MTX2: variants seen among roughly 807,000 people sequenced by gnomAD.
MTX2 encodes the protein metaxin-2.
Under a neutral mutation model 42.3 loss-of-function variants are expected in MTX2, and 35 were observed. That is an observed-to-expected ratio of 0.83 (90% CI 0.63 to 1.10). The LOEUF is 1.10. Among genes scored for constraint, MTX2 ranks in the 50% least tolerant of loss-of-function variants. The pLI, the probability that MTX2 is intolerant of heterozygous loss-of-function variation, is 0.00. For missense variants in MTX2, 307 were observed against 304.1 expected (o/e 1.01, Z -0.07); for synonymous variants, 119 against 100.9 (o/e 1.18, Z -1.08).
At chr2:176,274,782 T>C (rs1238223845) in intron 1 of MTX2, among the ~76,000 whole-genome samples, 2 of 152,150 alleles carry the variant, frequency 1.3e-5, no homozygotes, top group East Asian at 3.9e-4. Context: ...CCACTTAGGA[T>C]ACTCTCCCTT....
intron 1 of MTX2, among the ~76,000 whole-genome samples, chr2:176,278,041 GTTTTTTTTTTT>G (rs59379339): frequency 4.7e-5 from 4 of 84,836 alleles, no homozygotes; most frequent in South Asian, 5.1e-4. Context: ...GTTGAAACTG[GTTTTTTTTTTT>G]TTTTTTTTTT....
At chr2:176,312,653 C>T (rs1314413840) in intron 3 of MTX2, among the ~76,000 whole-genome samples, 1 of 151,912 alleles carries the variant, frequency 6.6e-6, no homozygotes, top group Admixed American at 6.6e-5. Flanking sequence ...CACCTGAGGT[C>T]AGGAGTTTGA....
At chr2:176,320,730 T>A (rs1036472020) in intron 3 of MTX2, among the ~76,000 whole-genome samples, 1 of 150,858 alleles carries the variant, frequency 6.6e-6, no homozygotes, top group Non-Finnish European at 1.5e-5. Context: ...GGTCTTGTTG[T>A]ATTGCCCAGG....
chr2:176,326,786 G>T, intron 4 of MTX2, 39 bp from the exon 5 acceptor site: 1 of 1,216,228 alleles, frequency 8.2e-7, no homozygotes, highest in Non-Finnish European at 1.2e-6. Flanking sequence ...TTAACATACT[G>T]GAAGTATTTT....
intron 1 of MTX2, among the ~76,000 whole-genome samples, chr2:176,276,337 A>G (rs1692944766): frequency 6.6e-6 from 1 of 152,178 alleles, no homozygotes. Flanking sequence ...GTTAATTAGA[A>G]TTGCCATAGC....
intron 1 of MTX2, among the ~76,000 whole-genome samples, chr2:176,282,994 AC>A (rs1222058586): frequency 1.3e-5 from 2 of 152,114 alleles, no homozygotes; most frequent in African/African-American, 4.8e-5. Context: ...GAGCAATCAC[AC>A]CTGGCCAATC....
In MTX2 at chr2:176,269,714, G is replaced by C. The variant is rs553743691; in HGVS notation, c.40+45G>C. 3.2e-6 allele frequency: 5 copies of C among 1,566,056 alleles called. No individual in the cohort carries two copies. In the Admixed American group the frequency reaches 5.5e-5, roughly 17 times the overall value. On this transcript the variant is annotated intron_variant, in intron 1 of 9. Transcript: ENST00000249442. Reference sequence around the variant, plus strand: ...ACCCAGAAGGTGGCGGCGCGGTCTCGGGGAGCCGCGTGGGGTACAGGGCTG... The same window carrying C: ...ACCCAGAAGGTGGCGGCGCGGTCTCCGGGAGCCGCGTGGGGTACAGGGCTG...
intron 1 of MTX2, among the ~76,000 whole-genome samples, chr2:176,281,261 C>T (rs1693071787): frequency 6.6e-6 from 1 of 152,106 alleles, no homozygotes; most frequent in Non-Finnish European, 1.5e-5. Flanking sequence ...GTCTCTCACT[C>T]ATGATGTCTG....
At chr2:176,269,747 C>T (rs1378740313) in intron 1 of MTX2, 78 bp downstream of exon 1, 26 of 1,468,748 alleles carry the variant, frequency 1.8e-5, no homozygotes, top group East Asian at 2.6e-5. Flanking sequence ...CTGGAGCTTT[C>T]CTCCAGCCTT....
chr2:176,307,695 C>T (rs887812615), intron 3 of MTX2, among the ~76,000 whole-genome samples: 6 of 151,834 alleles, frequency 4.0e-5, no homozygotes, highest in African/African-American at 1.2e-4. Context: ...CATGATTTGG[C>T]TCTGTTTGTC....
At position 176,269,618 on chromosome 2, in the gene MTX2, C is replaced by G. The variant is rs757445802; in HGVS notation, c.-12C>G. ...GGGGGCAGGCACCCGGGCGCCGGGCCTCCCAGCCGACATGTCTCTAGTGGC... is the reference window on the plus strand; with the variant it reads ...GGGGGCAGGCACCCGGGCGCCGGGCGTCCCAGCCGACATGTCTCTAGTGGC... On this transcript the variant is annotated 5_prime_UTR_variant, in exon 1 of 10. Coordinates refer to ENST00000249442, the MANE Select transcript of MTX2 (RefSeq NM_006554.5). The G allele has an allele frequency of 7.4e-5, 117 of 1,584,354 alleles. No individual in the cohort carries two copies. The highest frequency in any genetic ancestry group is 1.1e-4 in the Admixed American group (6 of 56,846).
rs551578257 is a variant in MTX2 at position 176,282,122 on chromosome 2, A to G, written c.40+12453A>G. On this transcript the variant is annotated intron_variant, in intron 1 of 9. Transcript: ENST00000249442. ...TCAATGATATTATTTTTAGAGTTAC[A>G]GTAGTTTTTTTTTTTTTTTTTTTTT... Among the ~76,000 whole-genome samples the G allele has an allele frequency of 4.3e-4, 25 of 58,364 alleles. No homozygotes were observed. In the East Asian group the frequency reaches 4.5e-3, roughly 10 times the overall value. The allele number at this position is 58,364 out of a possible 152,430, so 38.3% of individuals were successfully genotyped here. A position where few individuals can be genotyped will look rare whatever the true frequency, so the allele number is the denominator to read the frequency against.
Position 176,298,409 on chromosome 2 carries a change from C to T in MTX2, c.135+514C>T, listed in dbSNP as rs1683944686. On this transcript the variant is annotated intron_variant, in intron 3 of 9. Transcript: ENST00000249442. The stretch of plus-strand genomic sequence containing the variant: ...ATTGATTACATGAGTGTTTATTATC[C>T]CCAAACCATTTATGAAATGTAACAG... Among the ~76,000 whole-genome samples the T allele has an allele frequency of 4.6e-5, 7 of 151,888 alleles. No homozygotes were observed. In the South Asian group the frequency reaches 1.5e-3, roughly 32 times the overall value.
In MTX2 at chr2:176,269,636, C is replaced by G. The variant is rs776034745; in HGVS notation, c.7C>G (p.Leu3Val). ...GCCGGGCCTCCCAGCCGACATGTCT[C>G]TAGTGGCGGAAGCCTTCGTCTCCCA... MS[L>V]VAEAFVSQIA... Residue 3 changes from leucine to valine, a missense_variant, in exon 1 of 10, where the codon CTA (leucine) becomes GTA (valine). Physicochemically the swap from Leu to Val is conservative, Grantham distance 32. Coordinates refer to ENST00000249442, the MANE Select transcript of MTX2 (RefSeq NM_006554.5). 4.4e-6 allele frequency: 7 copies of G among 1,596,406 alleles called. No individual in the cohort carries two copies. In the African/African-American group the frequency reaches 5.4e-5, roughly 12 times the overall value.
At chr2:176,270,482 G>C (rs1692782408) in intron 1 of MTX2, 2 of 1,184,930 alleles carry the variant, frequency 1.7e-6, no homozygotes, top group African/African-American at 1.6e-5. Flanking sequence ...ATATTGTTGA[G>C]AAAGTGAGGA....
At chr2:176,307,603 TGAA>T (rs1684185358) in intron 3 of MTX2, among the ~76,000 whole-genome samples, 1 of 152,216 alleles carries the variant, frequency 6.6e-6, no homozygotes, top group Non-Finnish European at 1.5e-5. Context: ...TAGTTCTCCT[TGAA>T]GAGTTCCTTC....
Position 176,287,055 on chromosome 2 carries a change from T to C in MTX2, c.41-9805T>C, listed in dbSNP as rs140165076. Among the ~76,000 whole-genome samples the C allele has an allele frequency of 4.5e-3, 691 of 152,318 alleles. 5 individuals are homozygous for C. The highest frequency in any genetic ancestry group is 0.016 in the African/African-American group (666 of 41,568). On this transcript the variant is annotated intron_variant, in intron 1 of 9. Coordinates refer to ENST00000249442, the MANE Select transcript of MTX2 (RefSeq NM_006554.5). ...GTAGCCCAAACAGAATTAAGCCTTG[T>C]TATATGTATACCAGATAATATTGTC... is the stretch of plus-strand genomic sequence containing the variant.
chr2:176,316,860 T>G (rs1264946234), intron 3 of MTX2, among the ~76,000 whole-genome samples: 1 of 152,144 alleles, frequency 6.6e-6, no homozygotes, highest in African/African-American at 2.4e-5. Flanking sequence ...TTGTATAATT[T>G]TATACATATA....
chr2:176,329,891 G>GTCTGTCTATCTA (rs951476922), intron 8 of MTX2, among the ~76,000 whole-genome samples: 1 of 149,690 alleles, frequency 6.7e-6, no homozygotes, highest in Non-Finnish European at 1.5e-5. Context: ...CCGTCTGTCT[G>GTCTGTCTATCTA]TCTATCTATC....
Sources: allele counts gnomAD v4.1 joint callset (sites outside exome capture counted in the v4.1 genomes callset), GRCh38; gene constraint gnomAD v4.1.1; transcripts MANE v1.5; gene names NCBI Gene and HGNC (gene_info 2026-07-23, HGNC 2026-07-21).